The following COL22A1 variants were observed in gnomAD, a reference collection of about 807,000 sequenced individuals.
The protein encoded by COL22A1 is collagen type XXII alpha 1 chain.
Under a neutral mutation model 248.9 loss-of-function variants are expected in COL22A1, and 221 were observed. The ratio of observed to expected loss-of-function variants is 0.89; its 90% confidence interval spans 0.80 to 0.99. The LOEUF (loss-of-function observed/expected upper bound fraction) is 0.99, where lower values mean the gene tolerates loss of function less well. COL22A1 is among the 50% of genes least tolerant of loss of function. The pLI is 0.00. For missense variants in COL22A1, 2,240 were observed against 2,179.0 expected, an observed-to-expected ratio of 1.03 and a Z score of -0.56; for synonymous variants, 891 against 793.4, an observed-to-expected ratio of 1.12 and a Z score of -2.07.
At chr8:138,819,292 A>C (rs1818912131) in intron 7 of COL22A1, among the ~76,000 whole-genome samples, 1 of 152,186 alleles carries the variant, frequency 6.6e-6, no homozygotes, top group African/African-American at 2.4e-5. Flanking sequence ...CAAATAAGCA[A>C]TTAGTATACA....
intron 4 of COL22A1, among the ~76,000 whole-genome samples, chr8:138,833,801 A>C (rs767774958): frequency 3.3e-5 from 5 of 152,124 alleles, no homozygotes; most frequent in African/African-American, 9.7e-5. Flanking sequence ...GACTTGGGTG[A>C]GGGTCAAGGG....
rs773857740 is a variant in COL22A1 at position 138,591,496 on chromosome 8, G to C, written c.4621C>G (p.Arg1541Gly). ...PSGPIGPKGE[R>G]GAKGDPGAPG... is the part of the protein sequence containing the mutation. Reference sequence around the variant, plus strand: ...GCACCTGGGTCACCTTTGGCTCCTCGCTCACCTGGGAAGAAAAACATGCAC... The same window carrying C: ...GCACCTGGGTCACCTTTGGCTCCTCCCTCACCTGGGAAGAAAAACATGCAC... The change falls in exon 64 of 65, where the codon CGA becomes GGA. Residue 1541 changes from arginine to glycine, a missense_variant. Arg to Gly is a moderately radical substitution (Grantham distance 125). Coordinates refer to ENST00000303045, the MANE Select transcript of COL22A1 (RefSeq NM_152888.3). 1.3e-6 allele frequency: 2 copies of C among 1,543,504 alleles called. No individual in the cohort carries two copies. The highest frequency in any genetic ancestry group is 1.8e-6 in the Non-Finnish European group (2 of 1,142,360).
chr8:138,689,158 C>CG (rs375913019), intron 36 of COL22A1, among the ~76,000 whole-genome samples, 188 bp from the exon 37 acceptor site: 66,971 of 143,024 alleles, frequency 0.47, 16,580 homozygotes, highest in East Asian at 0.72. Flanking sequence ...GCTGCTCTCC[C>CG]GGGGGGGGGG....
At chr8:138,838,170 C>T (rs1361492277) in intron 4 of COL22A1, among the ~76,000 whole-genome samples, 2 of 152,112 alleles carry the variant, frequency 1.3e-5, no homozygotes, top group African/African-American at 4.8e-5. Flanking sequence ...ATTTCTCAGC[C>T]CCTTAAGCCC....
At chr8:138,660,908 A>ACC (rs1823823844) in intron 43 of COL22A1, among the ~76,000 whole-genome samples, 1 of 144,982 alleles carries the variant, frequency 6.9e-6, no homozygotes, top group Non-Finnish European at 1.5e-5. Context: ...AAACACACAC[A>ACC]TACACAGACA....
chr8:138,671,828 G>A (rs1358651126), intron 41 of COL22A1, among the ~76,000 whole-genome samples: 1 of 152,160 alleles, frequency 6.6e-6, no homozygotes, highest in Non-Finnish European at 1.5e-5. Context: ...GATAAATACT[G>A]TACAGTACTA....
chr8:138,659,306 C>T (rs967044348), intron 44 of COL22A1, among the ~76,000 whole-genome samples: 7 of 152,120 alleles, frequency 4.6e-5, no homozygotes, highest in Non-Finnish European at 1.0e-4. Context: ...CTGCTGTGCC[C>T]GCCAACTGAG....
intron 44 of COL22A1, among the ~76,000 whole-genome samples, chr8:138,657,054 T>C (rs1823330453): frequency 6.6e-6 from 1 of 152,180 alleles, no homozygotes; most frequent in African/African-American, 2.4e-5. Context: ...GTTTTGTGTG[T>C]TGATAAGCTC....
chr8:138,736,001 C>T lies in COL22A1; in HGVS notation c.2139+1523G>A, dbSNP rs142530425. On this transcript the variant is annotated intron_variant, in intron 23 of 64. Coordinates refer to ENST00000303045, the MANE Select transcript of COL22A1 (RefSeq NM_152888.3). ...TTACCACAGCTCCAGGAGGACCAAACGGAAGAGCCCAGCAGTGACTTGTGC... is the reference window on the plus strand; with the variant it reads ...TTACCACAGCTCCAGGAGGACCAAATGGAAGAGCCCAGCAGTGACTTGTGC... 5.3e-5 allele frequency among the ~76,000 whole-genome samples: 8 copies of T among 152,210 alleles called. No homozygotes were observed. The South Asian group carries it at 1.2e-3, about 24-fold the overall frequency.
At chr8:138,717,224 T>A (rs1018100491) in intron 27 of COL22A1, among the ~76,000 whole-genome samples, 1 of 152,162 alleles carries the variant, frequency 6.6e-6, no homozygotes, top group Non-Finnish European at 1.5e-5. Flanking sequence ...CTCGGCTCAC[T>A]GCAAGCTCTG....
intron 26 of COL22A1, among the ~76,000 whole-genome samples, chr8:138,721,035 T>G (rs555139796): frequency 6.6e-6 from 1 of 152,318 alleles, no homozygotes; most frequent in African/African-American, 2.4e-5. Flanking sequence ...ATTGGCATTC[T>G]CTCTTATTGA....
intron 45 of COL22A1, among the ~76,000 whole-genome samples, chr8:138,653,043 C>T (rs1382229280): frequency 9.2e-5 from 14 of 152,006 alleles, no homozygotes; most frequent in Admixed American, 3.9e-4. Context: ...CATCGCACCC[C>T]GCCGGTCTGA....
chr8:138,755,691 G>A lies in COL22A1; in HGVS notation c.1947+94C>T, dbSNP rs1352238448. ...GCCTTCTATCCAACCCATGTCCTTG[G>A]AAGAGCGTTGCCTTATTCTTAGAGG... On this transcript the variant is annotated intron_variant, in intron 19 of 64. Transcript: ENST00000303045. The A allele has an allele frequency of 4.9e-6, 7 of 1,422,310 alleles. No individual in the cohort carries two copies. The East Asian group carries it at 1.4e-4, about 28-fold the overall frequency. 88.1% of individuals were successfully genotyped at this position (1,422,310 alleles called of 1,614,324 possible). A position where few individuals can be genotyped will look rare whatever the true frequency, so the allele number is the denominator to read the frequency against.
chr8:138,745,948 G>A (rs1489313647), intron 22 of COL22A1, among the ~76,000 whole-genome samples: 1 of 152,220 alleles, frequency 6.6e-6, no homozygotes, highest in Admixed American at 6.5e-5. Context: ...AAAGAGAAAT[G>A]CAGTCCTTCT....
At chr8:138,767,536 A>G (rs887345092) in intron 16 of COL22A1, among the ~76,000 whole-genome samples, 1 of 152,226 alleles carries the variant, frequency 6.6e-6, no homozygotes, top group East Asian at 1.9e-4. Flanking sequence ...TCTGATTCTC[A>G]TATCCGGAAT....
At chr8:138,737,840 T>C (rs1279336988) in intron 22 of COL22A1, among the ~76,000 whole-genome samples, 2 of 151,888 alleles carry the variant, frequency 1.3e-5, no homozygotes, top group African/African-American at 4.8e-5. Context: ...GTTCAAAAGA[T>C]ACAGAAAGGT....
intron 30 of COL22A1, among the ~76,000 whole-genome samples, chr8:138,713,420 G>A (rs1258070614): frequency 6.6e-5 from 10 of 152,254 alleles, no homozygotes; most frequent in African/African-American, 1.2e-4. Flanking sequence ...AGTGAGCAAC[G>A]GAAAACTCAA....
At chr8:138,711,257 G>T (rs1828940620) in intron 30 of COL22A1, among the ~76,000 whole-genome samples, 1 of 152,210 alleles carries the variant, frequency 6.6e-6, no homozygotes, top group Non-Finnish European at 1.5e-5. Context: ...GTGGGCCTAA[G>T]TGCCAGTAAT....
intron 50 of COL22A1, among the ~76,000 whole-genome samples, chr8:138,628,841 C>G (rs1031814481): frequency 6.8e-6 from 1 of 146,074 alleles, no homozygotes; most frequent in African/African-American, 2.6e-5. Flanking sequence ...TCTCGGCTTA[C>G]TGCAATCTCC....
Sources: allele counts gnomAD v4.1 joint callset (sites outside exome capture counted in the v4.1 genomes callset), GRCh38; gene constraint gnomAD v4.1.1; transcripts MANE v1.5; gene names NCBI Gene and HGNC (gene_info 2026-07-23, HGNC 2026-07-21).